IL1RAPL1: variants seen among roughly 807,000 people sequenced by gnomAD.
IL1RAPL1 encodes interleukin-1 receptor accessory protein-like 1.
A neutral mutation model predicts 48.4 loss-of-function variants in IL1RAPL1; 3 were observed. The ratio of observed to expected loss-of-function variants is 0.06; its 90% CI spans 0.03 to 0.16. The LOEUF is 0.16. Ranked by LOEUF, IL1RAPL1 falls within the 10% of genes least tolerant of loss-of-function variation. The probability of loss-of-function intolerance (pLI) is 1.00; values close to 1 mark genes in which losing one functional copy is unlikely to be tolerated. For synonymous variants in IL1RAPL1, 185 were observed against 187.7 expected, an observed-to-expected ratio of 0.99 and a Z score of 0.12; for missense variants, 349 against 530.6, an observed-to-expected ratio of 0.66 and a Z score of 3.36.
chrX:29,056,885 T>G (rs1927227485), intron 2 of IL1RAPL1, among the ~76,000 whole-genome samples: 1 of 112,144 alleles, frequency 8.9e-6, no homozygotes, highest in Non-Finnish European at 1.9e-5. Context: ...AGCAGAAACT[T>G]TTGGTTTTTA....
intron 6 of IL1RAPL1, among the ~76,000 whole-genome samples, chrX:29,755,069 G>T (rs778271600): frequency 4.2e-4 from 47 of 112,244 alleles, no homozygotes; most frequent in Non-Finnish European, 7.5e-4. Flanking sequence ...CTAACTAGGT[G>T]TTGGCCAGAG....
intron 5 of IL1RAPL1, among the ~76,000 whole-genome samples, chrX:29,478,731 T>C (rs1026924553): frequency 9.0e-6 from 1 of 110,765 alleles, no homozygotes; most frequent in Non-Finnish European, 1.9e-5. Context: ...ATGACTGCCT[T>C]GATCTTTCTT....
At chrX:28,942,760 A>G (rs1028500485) in intron 2 of IL1RAPL1, among the ~76,000 whole-genome samples, 4 of 110,119 alleles carry the variant, frequency 3.6e-5, no homozygotes, top group Admixed American at 2.9e-4. Flanking sequence ...CAGGGGAAAG[A>G]ATTAGGAAAA....
At chrX:29,614,959 G>A (rs1172703227) in intron 5 of IL1RAPL1, among the ~76,000 whole-genome samples, 2 of 99,517 alleles carry the variant, frequency 2.0e-5, no homozygotes, top group African/African-American at 7.8e-5. Flanking sequence ...GCGAGACTCC[G>A]TCTCAAAAAA....
rs1933385572 is a variant in IL1RAPL1 at position 29,954,771 on chromosome X, A to G, written c.1372+79A>G. 4.6e-6 allele frequency: 4 copies of G among 871,574 alleles called. No individual in the cohort carries two copies. In the East Asian group the frequency reaches 1.2e-4, roughly 27 times the overall value. The allele number at this position is 871,574 out of a possible 1,213,427, so 71.8% of individuals were successfully genotyped here. A position where few individuals can be genotyped will look rare whatever the true frequency, so the allele number is the denominator to read the frequency against. ...GTCATCACTTTTTCATGGAATTTTAATGTTTGGTTCTTTACTTCAAAATTT... is the reference window on the plus strand; with the variant it reads ...GTCATCACTTTTTCATGGAATTTTAGTGTTTGGTTCTTTACTTCAAAATTT... On this transcript the variant is annotated intron_variant, in intron 10 of 10. Coordinates refer to ENST00000378993, the MANE Select transcript of IL1RAPL1 (RefSeq NM_014271.4).
intron 2 of IL1RAPL1, among the ~76,000 whole-genome samples, chrX:29,261,296 G>A (rs906561384): frequency 7.3e-4 from 81 of 111,067 alleles, no homozygotes; most frequent in African/African-American, 2.5e-3. Flanking sequence ...TGTCTTCAAT[G>A]TTATCTGATA....
At chrX:29,781,424 A>G (rs1208806095) in intron 6 of IL1RAPL1, among the ~76,000 whole-genome samples, 2 of 111,910 alleles carry the variant, frequency 1.8e-5, no homozygotes, top group African/African-American at 6.5e-5. Context: ...CCAGATTTGT[A>G]TGGAACCTTT....
At chrX:28,950,646 G>A (rs1924433014) in intron 2 of IL1RAPL1, among the ~76,000 whole-genome samples, 2 of 108,574 alleles carry the variant, frequency 1.8e-5, no homozygotes, top group Admixed American at 2.0e-4. Flanking sequence ...TCCTTGAAGA[G>A]GTCCTTCACA....
At chrX:28,835,330 G>A (rs1016133302) in intron 2 of IL1RAPL1, among the ~76,000 whole-genome samples, 1 of 110,851 alleles carries the variant, frequency 9.0e-6, no homozygotes, top group African/African-American at 3.3e-5. Context: ...ATAATTTTTT[G>A]AGGAGTGGCT....
chrX:29,000,980 G>A (rs1281074978), intron 2 of IL1RAPL1, among the ~76,000 whole-genome samples: 2 of 98,150 alleles, frequency 2.0e-5, no homozygotes, highest in Non-Finnish European at 4.1e-5. Context: ...TCTTCATATT[G>A]TCTTTGACTT....
intron 2 of IL1RAPL1, among the ~76,000 whole-genome samples, chrX:28,869,346 T>C (rs1487019698): frequency 8.9e-6 from 1 of 112,316 alleles, no homozygotes; most frequent in Non-Finnish European, 1.9e-5. Context: ...CATTTAAAAA[T>C]TTAATTATTT....
At chrX:29,787,252 GA>G (rs1929519222) in intron 6 of IL1RAPL1, among the ~76,000 whole-genome samples, 1 of 111,224 alleles carries the variant, frequency 9.0e-6, no homozygotes. Flanking sequence ...GGAAATGGAG[GA>G]TGAGGGGGCT....
At chrX:28,906,076 T>A (rs747782010) in intron 2 of IL1RAPL1, among the ~76,000 whole-genome samples, 156 of 112,004 alleles carry the variant, frequency 1.4e-3, no homozygotes, top group African/African-American at 4.8e-3. Flanking sequence ...ATCCATGACC[T>A]TCTTCACGTG....
At chrX:29,702,240 C>A (rs1225785601) in intron 6 of IL1RAPL1, among the ~76,000 whole-genome samples, 1 of 100,277 alleles carries the variant, frequency 1.0e-5, no homozygotes, top group Non-Finnish European at 2.0e-5. Context: ...GGCAACAGGG[C>A]GAGACTCTGT....
At chrX:29,535,068 A>T (rs1432309488) in intron 5 of IL1RAPL1, among the ~76,000 whole-genome samples, 3 of 87,229 alleles carry the variant, frequency 3.4e-5, no homozygotes, top group African/African-American at 4.4e-5. Context: ...CAGGAGGTGG[A>T]GGTTGCAGTG....
intron 1 of IL1RAPL1, among the ~76,000 whole-genome samples, chrX:28,737,506 C>T (rs1935857931): frequency 1.8e-5 from 2 of 110,441 alleles, no homozygotes; most frequent in East Asian, 2.9e-4. Flanking sequence ...GATCCACCTG[C>T]CTCAGCCTCC....
intron 5 of IL1RAPL1, among the ~76,000 whole-genome samples, chrX:29,470,737 G>A (rs752734324): frequency 2.7e-5 from 3 of 111,124 alleles, no homozygotes; most frequent in African/African-American, 9.8e-5. Context: ...GGGCCCAAGA[G>A]ATCCTCCTGC....
At chrX:28,600,345 C>A (rs1017692810) in intron 1 of IL1RAPL1, among the ~76,000 whole-genome samples, 2 of 111,174 alleles carry the variant, frequency 1.8e-5, no homozygotes, top group African/African-American at 6.6e-5. Context: ...TGTAAGTTAC[C>A]AGGCCACAAA....
chrX:28,822,961 C>G (rs1168788701), intron 2 of IL1RAPL1, among the ~76,000 whole-genome samples: 1 of 111,700 alleles, frequency 9.0e-6, no homozygotes, highest in Admixed American at 9.5e-5. Context: ...GAGGACCATC[C>G]GAGACTGTTC....
Sources: allele counts gnomAD v4.1 joint callset (sites outside exome capture counted in the v4.1 genomes callset), GRCh38; gene constraint gnomAD v4.1.1; transcripts MANE v1.5; gene names NCBI Gene and HGNC (gene_info 2026-07-23, HGNC 2026-07-21).